The following IGDCC4 variants were observed in gnomAD, a reference collection of about 807,000 sequenced individuals.
IGDCC4 encodes immunoglobulin superfamily DCC subclass member 4.
Under a neutral mutation model 116.6 loss-of-function variants are expected in IGDCC4, and 72 were observed. The observed-to-expected ratio is 0.62, with a 90% CI of 0.51 to 0.75. IGDCC4 has a LOEUF of 0.75. Ranked by LOEUF, IGDCC4 falls within the 30% of genes least tolerant of loss-of-function variation. IGDCC4 has a pLI of 0.00. For missense variants in IGDCC4, 1,501 were observed against 1,662.4 expected (o/e 0.90, Z 1.69); for synonymous variants, 709 against 719.9 (o/e 0.98, Z 0.24).
In IGDCC4 at chr15:65,395,124, T is replaced by C; in HGVS notation, c.1546A>G (p.Thr516Ala). 1 of 1,613,310 alleles carries C rather than the reference T, an allele frequency of 6.2e-7. No individual in the cohort carries two copies. The highest frequency in any genetic ancestry group is 8.5e-7 in the Non-Finnish European group (1 of 1,179,556). The change falls in exon 8 of 20, where the codon ACC (threonine) becomes GCC (alanine). Residue 516 changes from threonine to alanine, a missense_variant. This residue lies in a region of IGDCC4 where 898 missense variants were observed against 978.9 expected (regional missense o/e 0.92). Transcript: ENST00000352385. Reference protein sequence around the residue: ...YSQLGASRTSTPALVHTLDDV... With the variant: ...YSQLGASRTSAPALVHTLDDV... The stretch of plus-strand genomic sequence containing the variant: ...TCCAGTGTGTGCACCAGTGCTGGGG[T>C]GGAGGTGCGGCTGGCTCCCAGCTGG...
chr15:65,402,481 G>A lies in IGDCC4; in HGVS notation c.570C>T (p.Ile190=), dbSNP rs1232443489. 1.2e-5 allele frequency: 19 copies of A among 1,567,070 alleles called. No individual in the cohort carries two copies. Among genetic ancestry groups the A allele is most frequent in the Non-Finnish European group, 1.4e-5 (16 of 1,155,206 alleles). The change falls in exon 4 of 20, where the codon ATC becomes ATT. Residue 190 remains isoleucine (I), a synonymous_variant. Coordinates refer to ENST00000352385, the MANE Select transcript of IGDCC4 (RefSeq NM_020962.3). ...QVTLPEEPRL[I]VLPNGVLQIL... Reference sequence around the variant, plus strand: ...TCTGAAGGACGCCGTTGGGAAGCACGATGAGCCTTGGGAAGAGGGGAGCAG... The same window carrying A: ...TCTGAAGGACGCCGTTGGGAAGCACAATGAGCCTTGGGAAGAGGGGAGCAG...
chr15:65,381,889 T>C lies in IGDCC4; in HGVS notation c.*2120A>G, dbSNP rs1415782028. On this transcript the variant is annotated 3_prime_UTR_variant, in exon 20 of 20. Coordinates refer to ENST00000352385, the MANE Select transcript of IGDCC4 (RefSeq NM_020962.3). ...TTATCAACTGTGAGTTATAGGCAGA[T>C]ACCAGATTTATTACTTATTTGCTTT... The C allele has an allele frequency of 6.5e-6, 1 of 152,674 alleles. No homozygotes were observed. Among genetic ancestry groups the C allele is most frequent in the Non-Finnish European group, 1.5e-5 (1 of 68,054 alleles). 9.5% of individuals were successfully genotyped at this position (152,674 alleles called of 1,614,324 possible).
In IGDCC4 at chr15:65,388,958, C is replaced by T. The variant is rs369074022; in HGVS notation, c.2557G>A (p.Asp853Asn). Reference sequence around the variant, plus strand: ...GGTGTCAGGGGGCTCAGTCGCAGGTCGGATGGGGGTGTGGAGGGCCCTGGG... The same window carrying T: ...GGTGTCAGGGGGCTCAGTCGCAGGTTGGATGGGGGTGTGGAGGGCCCTGGG... ...LPDRPSTPPS[D>N]LRLSPLTPST... The change falls in exon 15 of 20, where the codon GAC becomes AAC. Residue 853 changes from aspartate (D) to asparagine (N), a missense_variant. Physicochemically the swap from Asp to Asn is conservative, Grantham distance 23 (BLOSUM62 1). Transcript: ENST00000352385. 17 of 1,603,696 alleles carry T rather than the reference C, an allele frequency of 1.1e-5. No individual in the cohort carries two copies. The African/African-American group carries it at 1.1e-4, about 10-fold the overall frequency.
Position 65,384,362 on chromosome 15 carries a change from T to C in IGDCC4, c.3400A>G (p.Ile1134Val). The C allele has an allele frequency of 1.3e-6, 2 of 1,565,308 alleles. No homozygotes were observed. Among genetic ancestry groups the C allele is most frequent in the Non-Finnish European group, 1.7e-6 (2 of 1,156,734 alleles). ...ACRNQVEAEVIVHSDFSASNG... is the reference protein window; with the variant it reads ...ACRNQVEAEVVVHSDFSASNG... ...GATGCACTAAAGTCAGAGTGGACAA[T>C]GACTTCAGCCTCCACCTGGTTCCTG... The change falls in exon 20 of 20, where the codon ATT becomes GTT. Residue 1134 changes from isoleucine to valine, a missense_variant. Ile to Val is a conservative substitution (Grantham distance 29). Coordinates refer to ENST00000352385, the MANE Select transcript of IGDCC4 (RefSeq NM_020962.3). This position sits in a 1 kb window ranked among gnomAD's most constrained non-coding sequence, Gnocchi z 4.9.
Position 65,388,800 on chromosome 15 carries a change from G to T in IGDCC4, c.2707+8C>A, listed in dbSNP as rs1385733413. Reference sequence around the variant, plus strand: ...CTTGAGCAGATGCCCTGGGGCAGGAGCCCTCACCCTGCGTGGTGAGCAAGG... The same window carrying T: ...CTTGAGCAGATGCCCTGGGGCAGGATCCCTCACCCTGCGTGGTGAGCAAGG... On this transcript the variant is annotated splice_region_variant and intron_variant, in intron 15 of 19. Transcript: ENST00000352385. The T allele has an allele frequency of 6.2e-7, 1 of 1,613,830 alleles. No homozygotes were observed.
At chr15:65,409,390 G>C (rs1342810398) in intron 3 of IGDCC4, among the ~76,000 whole-genome samples, 1 of 152,198 alleles carries the variant, frequency 6.6e-6, no homozygotes, top group East Asian at 1.9e-4. Flanking sequence ...CCGAGATATA[G>C]GGAGAGGACT....
intron 3 of IGDCC4, 122 bp from the exon 4 acceptor site, chr15:65,402,609 C>A: frequency 2.3e-6 from 3 of 1,301,324 alleles, no homozygotes; most frequent in Non-Finnish European, 3.1e-6. Flanking sequence ...TGGCTCACGC[C>A]TATAATCCCA....
chr15:65,388,105 A>C (rs1230182610), intron 16 of IGDCC4, among the ~76,000 whole-genome samples: 1 of 151,942 alleles, frequency 6.6e-6, no homozygotes, highest in Non-Finnish European at 1.5e-5. Context: ...TTAGCCGGGC[A>C]TGGTGGTGTG....
At chr15:65,394,693 G>A (rs933208976) in intron 8 of IGDCC4, 145 bp from the exon 9 acceptor site, 1 of 822,918 alleles carries the variant, frequency 1.2e-6, no homozygotes, top group Non-Finnish European at 1.8e-6. Flanking sequence ...AGCTTCTCAG[G>A]GGAGCCCCAA....
intron 4 of IGDCC4, among the ~76,000 whole-genome samples, chr15:65,401,966 CCTGGACCCCTCAGTGACTATAGA>C (rs2062991250): frequency 6.6e-6 from 1 of 152,156 alleles, no homozygotes; most frequent in East Asian, 1.9e-4. Flanking sequence ...ACCCCCAGTG[CCTGGACCCCTCAGTGACTATAGA>C]AGGGCAGGAG....
rs1034763676 is a variant in IGDCC4 at position 65,410,936 on chromosome 15, T to C, written c.421+84A>G. On this transcript the variant is annotated intron_variant, in intron 2 of 19. Coordinates refer to ENST00000352385, the MANE Select transcript of IGDCC4 (RefSeq NM_020962.3). ...AGTGGGATCAAGAGAGAGGCATTTG[T>C]GCAAGTAACTAACTGCAGATCCCAC... The C allele has an allele frequency of 2.8e-6, 3 of 1,081,932 alleles. No individual in the cohort carries two copies. In the African/African-American group the frequency reaches 4.7e-5, roughly 17 times the overall value. The allele number at this position is 1,081,932 out of a possible 1,614,324, so 67.0% of individuals were successfully genotyped here. A position where few individuals can be genotyped will look rare whatever the true frequency, so the allele number is the denominator to read the frequency against.
chr15:65,411,132 G>A lies in IGDCC4; in HGVS notation c.309C>T (p.Gly103=). The stretch of plus-strand genomic sequence containing the variant: ...CAGCCTCAGGGACTGACTCGTCACT[G>A]CCATTGGGTGCTAGTGGCTGGGACA... ...LWLSQPLAPN[G]SDESVPEAVG... Residue 103 remains glycine, a synonymous_variant, in exon 2 of 20, where the codon GGC becomes GGT. Transcript: ENST00000352385. 6.2e-7 allele frequency: 1 copy of A among 1,614,246 alleles called. No homozygotes were observed. Among genetic ancestry groups the A allele is most frequent in the Non-Finnish European group, 8.5e-7 (1 of 1,180,046 alleles).
chr15:65,386,782 C>T, intron 16 of IGDCC4, 126 bp from the exon 17 acceptor site: 1 of 679,212 alleles, frequency 1.5e-6, no homozygotes, highest in East Asian at 2.7e-5. Context: ...TGCTCACAAT[C>T]TTCTGATACA....
chr15:65,382,113 C>G lies in IGDCC4; in HGVS notation c.*1896G>C, dbSNP rs971929503. 1 of 151,306 alleles carries G rather than the reference C, an allele frequency of 6.6e-6. No individual in the cohort carries two copies. Among genetic ancestry groups the G allele is most frequent in the Non-Finnish European group, 1.5e-5 (1 of 67,788 alleles). The allele number at this position is 151,306 out of a possible 1,614,324, so 9.4% of individuals were successfully genotyped here. ...CTTCTTTAAAAAAAAAAAATCAAAC[C>G]AGCAAAATAAAATGAGGCTTTTGAC... On this transcript the variant is annotated 3_prime_UTR_variant, in exon 20 of 20. Transcript: ENST00000352385.
intron 6 of IGDCC4, 63 bp from the exon 7 acceptor site, chr15:65,396,226 CAGTACCCCAAGCCTGCCCCCCA>C: frequency 7.3e-7 from 1 of 1,374,490 alleles, no homozygotes; most frequent in Non-Finnish European, 9.5e-7. Flanking sequence ...GCCCCCCCCC[CAGTACCCCAAGCCTGCCCCCCA>C]CCGCCCTCCC....
Position 65,384,154 on chromosome 15 carries a change from G to A in IGDCC4, c.3608C>T (p.Ala1203Val). 6.2e-7 allele frequency: 1 copy of A among 1,613,704 alleles called. No individual in the cohort carries two copies. The highest frequency in any genetic ancestry group is 8.5e-7 in the Non-Finnish European group (1 of 1,179,868). Residue 1203 changes from alanine to valine, a missense_variant, in exon 20 of 20, where the codon GCA becomes GTA. Transcript: ENST00000352385. The surrounding 1 kb of genome is among the most constrained non-coding windows in gnomAD (Gnocchi z 4.9). The stretch of plus-strand genomic sequence containing the variant: ...CGGGTAGGAGCAGGAAGCACTGGCT[G>A]CCTCTGGCAAGCAGGTAAGTCTGTC... ...GPDRLTCLPE[A>V]ASASCSYPDL...
intron 3 of IGDCC4, among the ~76,000 whole-genome samples, chr15:65,406,667 C>A (rs184730468): frequency 2.2e-3 from 334 of 152,314 alleles, no homozygotes; most frequent in Non-Finnish European, 4.1e-3. Flanking sequence ...AAAATACATA[C>A]CTTGGGCATA....
chr15:65,405,126 TAGTGG>T (rs1336157483), intron 3 of IGDCC4, among the ~76,000 whole-genome samples: 1 of 105,328 alleles, frequency 9.5e-6, no homozygotes, highest in Non-Finnish European at 1.8e-5. Context: ...ATATATTAGT[TAGTGG>T]GGGGGGGGGA....
intron 3 of IGDCC4, 94 bp downstream of exon 3, chr15:65,410,084 C>A: frequency 4.2e-6 from 6 of 1,443,830 alleles, no homozygotes; most frequent in Non-Finnish European, 5.7e-6. Context: ...TAGGTAAATG[C>A]AGCTACCTCG....
Sources: gnomAD v4.1 joint callset for allele counts (sites outside exome capture counted in the v4.1 genomes callset) on GRCh38, gnomAD v4.1.1 for gene constraint, gnomAD v4.1.1 regional missense constraint, Gnocchi (gnomAD v3.1) non-coding constraint, MANE v1.5 for transcripts, NCBI Gene and HGNC (gene_info 2026-07-23, HGNC 2026-07-21) for gene names.